Variants in TNRC18 observed in about 807,000 individuals in gnomAD.
The protein encoded by TNRC18 is trinucleotide repeat containing 18.
In TNRC18, 69 loss-of-function variants were observed where a neutral mutation model predicts 226.7. That is an observed-to-expected ratio of 0.30 (90% confidence interval 0.25 to 0.37). TNRC18 has a LOEUF of 0.37. Ranked by LOEUF, TNRC18 falls within the 10% of genes least tolerant of loss-of-function variation. The probability of loss-of-function intolerance (pLI) is 1.00; values close to 1 mark genes in which losing one functional copy is unlikely to be tolerated. For missense variants in TNRC18, 4,754 were observed against 4,256.6 expected (o/e 1.12, Z -3.25); for synonymous variants, 2,449 against 1,927.6 (o/e 1.27, Z -7.09).
At chr7:5,349,342 C>T (rs190517839) in intron 17 of TNRC18, among the ~76,000 whole-genome samples, 8 of 152,314 alleles carry the variant, frequency 5.3e-5, no homozygotes, top group African/African-American at 1.7e-4. Flanking sequence ...GGCAATGCAG[C>T]TTGCCGAGGG....
At chr7:5,316,998 G>A (rs553277356) in intron 24 of TNRC18, among the ~76,000 whole-genome samples, 2 of 152,098 alleles carry the variant, frequency 1.3e-5, no homozygotes, top group Admixed American at 6.6e-5. Flanking sequence ...GACACTGAGC[G>A]CAGGGAGGAG....
rs1238598594 is a variant in TNRC18, at chr7:5,313,007, G to A, written c.7884C>T (p.Ser2628=). ...SSSSSSSSSS[S]SSSSSSSSSS... is the part of the protein sequence containing the mutation. Reference sequence around the variant, plus strand: ...AGGAGGAGGAGGAAGAGGAGGATGAGGAGGAGGAGGAGGAGGAGGAGGAGG... The same window carrying A: ...AGGAGGAGGAGGAAGAGGAGGATGAAGAGGAGGAGGAGGAGGAGGAGGAGG... The change falls in exon 27 of 30, where the codon TCC becomes TCT. Residue 2628 remains serine (S), a synonymous_variant. Transcript: ENST00000430969. 4.4e-6 allele frequency: 2 copies of A among 451,246 alleles called. No individual in the cohort carries two copies. The highest frequency in any genetic ancestry group is 7.3e-6 in the Non-Finnish European group (2 of 274,274). The allele number at this position is 451,246 out of a possible 1,614,324, so 28.0% of individuals were successfully genotyped here.
intron 17 of TNRC18, 128 bp from the exon 18 acceptor site, chr7:5,345,938 G>T: frequency 1.5e-6 from 2 of 1,339,632 alleles, no homozygotes; most frequent in East Asian, 5.1e-5. Context: ...GGGGGCCGCT[G>T]GGGGTGGATG....
At chr7:5,368,869 A>G (rs900813906) in intron 11 of TNRC18, among the ~76,000 whole-genome samples, 3 of 152,098 alleles carry the variant, frequency 2.0e-5, no homozygotes, top group East Asian at 1.9e-4. Context: ...CCAGTTTTCC[A>G]TGCTGAACAT....
At chr7:5,315,204 T>C in intron 25 of TNRC18, 56 bp from the exon 26 acceptor site, 1 of 1,558,780 alleles carries the variant, frequency 6.4e-7, no homozygotes, top group Non-Finnish European at 8.7e-7. Flanking sequence ...GCTTGGAGCT[T>C]CCAAGACCCT....
At chr7:5,332,572 CGGAACCCCA>C (rs1789643137) in intron 19 of TNRC18, 41 bp downstream of exon 19, 1 of 1,476,292 alleles carries the variant, frequency 6.8e-7, no homozygotes, top group South Asian at 1.3e-5. Context: ...CCCTCCCTCA[CGGAACCCCA>C]GGGACCCTTC....
At chr7:5,345,517 G>GGGGGGGGGGCGCCCCCCCCCCCCCC in intron 18 of TNRC18, 45 bp downstream of exon 18, 2 of 377,744 alleles carry the variant, frequency 5.3e-6, no homozygotes, top group Non-Finnish European at 9.7e-6. Flanking sequence ...AATGGCGTCC[G>GGGGGGGGGGCGCCCCCCCCCCCCCC]CCCCTCCCAC....
Position 5,361,883 on chromosome 7 carries a change from G to C in TNRC18, c.4532+14C>G, listed in dbSNP as rs1377079585. On this transcript the variant is annotated intron_variant, in intron 13 of 29. Transcript: ENST00000430969. ...GGGCAGGGGCCCCACGGGGCGGGCG[G>C]GGGACACACTCACTCGGAGTCCCGG... is the stretch of plus-strand genomic sequence containing the variant. The C allele has an allele frequency of 6.5e-7, 1 of 1,543,520 alleles. No homozygotes were observed.
chr7:5,387,233 TC>T (rs1472149162), intron 5 of TNRC18, among the ~76,000 whole-genome samples: 3 of 152,218 alleles, frequency 2.0e-5, no homozygotes, highest in Non-Finnish European at 4.4e-5. Context: ...TTCTGTCTGT[TC>T]CTCACTCATT....
chr7:5,356,418 C>A (rs1458975235), intron 16 of TNRC18, among the ~76,000 whole-genome samples: 1 of 152,040 alleles, frequency 6.6e-6, no homozygotes, highest in African/African-American at 2.4e-5. Context: ...GGTGGGCGCT[C>A]CATAAACACT....
At position 5,313,872 on chromosome 7, in the gene TNRC18, C is replaced by G; in HGVS notation, c.7028-9G>C. 1 of 1,453,480 alleles carries G rather than the reference C, an allele frequency of 6.9e-7. No individual in the cohort carries two copies. The highest frequency in any genetic ancestry group is 9.1e-7 in the Non-Finnish European group (1 of 1,102,442). 90.0% of individuals were successfully genotyped at this position (1,453,480 alleles called of 1,614,324 possible). On this transcript the variant is annotated splice_polypyrimidine_tract_variant and intron_variant, in intron 26 of 29. Coordinates refer to ENST00000430969, the MANE Select transcript of TNRC18 (RefSeq NM_001080495.3). Reference sequence around the variant, plus strand: ...CAGGGTAGCGGCTCTGTCTGCAAAACAAAACAGATGAGAAGCTGGGGCGGG... The same window carrying G: ...CAGGGTAGCGGCTCTGTCTGCAAAAGAAAACAGATGAGAAGCTGGGGCGGG...
At chr7:5,347,821 G>A (rs1388183379) in intron 17 of TNRC18, among the ~76,000 whole-genome samples, 1 of 152,012 alleles carries the variant, frequency 6.6e-6, no homozygotes, top group Non-Finnish European at 1.5e-5. Context: ...CGGGTGCAGT[G>A]GCGGACACCT....
intron 2 of TNRC18, among the ~76,000 whole-genome samples, chr7:5,404,534 T>C (rs1312654074): frequency 6.6e-6 from 1 of 152,120 alleles, no homozygotes; most frequent in African/African-American, 2.4e-5. Context: ...TGGAGGGCGC[T>C]GGGTGGTTAG....
chr7:5,343,082 G>T (rs189758478), intron 18 of TNRC18, among the ~76,000 whole-genome samples: 125 of 152,254 alleles, frequency 8.2e-4, no homozygotes, highest in Non-Finnish European at 1.5e-3. Flanking sequence ...GTCCAGGCGC[G>T]GTGGCTCACA....
At chr7:5,399,248 AGACTT>A (rs1780915376) in intron 2 of TNRC18, among the ~76,000 whole-genome samples, 1 of 152,136 alleles carries the variant, frequency 6.6e-6, no homozygotes, top group Non-Finnish European at 1.5e-5. Context: ...GCCTCTCGAA[AGACTT>A]GACTGGAATC....
At chr7:5,352,196 A>C (rs1791902423) in intron 16 of TNRC18, 102 bp from the exon 17 acceptor site, 1 of 1,263,792 alleles carries the variant, frequency 7.9e-7, no homozygotes, top group East Asian at 2.5e-5. Flanking sequence ...GGAAGGTGCC[A>C]GAACAAACAG....
At chr7:5,411,256 G>A (rs1296287296) in intron 2 of TNRC18, among the ~76,000 whole-genome samples, 2 of 151,400 alleles carry the variant, frequency 1.3e-5, no homozygotes, top group South Asian at 4.2e-4. Context: ...GGAAGGGGGA[G>A]GTGGGGAAAG....
Position 5,345,517 on chromosome 7 carries a change from G to GCTCC in TNRC18, c.5719+44_5719+45insGGAG. ...CCTGTGGGATGGGGCAATGGCGTCC[G>GCTCC]CCCCTCCCACCCACCCCCACCGCAG... On this transcript the variant is annotated intron_variant, in intron 18 of 29. Coordinates refer to ENST00000430969, the MANE Select transcript of TNRC18 (RefSeq NM_001080495.3). The GCTCC allele has an allele frequency of 1.7e-4, 65 of 377,742 alleles. 1 individual carries two copies. The highest frequency in any genetic ancestry group is 7.0e-4 in the South Asian group (16 of 22,820). 23.4% of individuals were successfully genotyped at this position (377,742 alleles called of 1,614,324 possible).
intron 2 of TNRC18, among the ~76,000 whole-genome samples, chr7:5,409,812 T>TAA (rs35153914): frequency 1.8e-3 from 191 of 104,740 alleles, no homozygotes; most frequent in African/African-American, 6.8e-3. Flanking sequence ...CCGTCTCTAC[T>TAA]AAAAAAAAAA....
Sources: allele counts gnomAD v4.1 joint callset (sites outside exome capture counted in the v4.1 genomes callset), GRCh38; gene constraint gnomAD v4.1.1; transcripts MANE v1.5; gene names NCBI Gene and HGNC (gene_info 2026-07-23, HGNC 2026-07-21).